Variants in NCOA6 observed in about 807,000 individuals in gnomAD.
The protein encoded by NCOA6 is NRC RAP250.
A neutral mutation model predicts 171.4 loss-of-function variants in NCOA6; 49 were observed. The ratio of observed to expected loss-of-function variants is 0.29; its 90% CI spans 0.23 to 0.36. NCOA6 has a LOEUF of 0.36. Ranked by LOEUF, NCOA6 falls within the 10% of genes least tolerant of loss-of-function variation. The pLI, the probability that NCOA6 is intolerant of heterozygous loss-of-function variation, is 1.00. For synonymous variants in NCOA6, 910 were observed against 927.5 expected (o/e 0.98, Z 0.34); for missense variants, 2,248 against 2,554.5 (o/e 0.88, Z 2.59).
At chr20:34,799,998 A>G (rs544354178) in intron 1 of NCOA6, among the ~76,000 whole-genome samples, 2 of 152,340 alleles carry the variant, frequency 1.3e-5, no homozygotes, top group South Asian at 4.1e-4. Flanking sequence ...CTCAAGTAGA[A>G]AGACTAAGAG....
At position 34,741,329 on chromosome 20, in the gene NCOA6, C is replaced by T. The variant is rs1163704689; in HGVS notation, c.4927G>A (p.Gly1643Arg). 1.9e-6 allele frequency: 3 copies of T among 1,614,142 alleles called. No individual in the cohort carries two copies. Among genetic ancestry groups the T allele is most frequent in the Non-Finnish European group, 2.5e-6 (3 of 1,180,028 alleles). ...NAGSKVMVSE[G>R]QSAAQSNARP... Reference sequence around the variant, plus strand: ...GCATTAGACTGAGCAGCTGACTGTCCCTCAGAAACCATAACCTTGCTACCC... The same window carrying T: ...GCATTAGACTGAGCAGCTGACTGTCTCTCAGAAACCATAACCTTGCTACCC... The change falls in exon 11 of 15, where the codon GGA becomes AGA. Residue 1643 changes from glycine (G) to arginine (R), a missense_variant. By Grantham distance (125) the Gly-to-Arg change is moderately radical (BLOSUM62 -2). Around this residue, in one of 7 missense-constraint regions of NCOA6, gnomAD observed 884 missense variants for 941.9 expected, o/e 0.94. Coordinates refer to ENST00000359003, the MANE Select transcript of NCOA6 (RefSeq NM_014071.5).
At chr20:34,797,189 G>A (rs894789047) in intron 1 of NCOA6, among the ~76,000 whole-genome samples, 4 of 152,154 alleles carry the variant, frequency 2.6e-5, no homozygotes, top group African/African-American at 9.7e-5. Flanking sequence ...AGCCCAGGCA[G>A]CACAGCTCAC....
At chr20:34,819,146 C>CA (rs922797316) in intron 1 of NCOA6, among the ~76,000 whole-genome samples, 1 of 152,134 alleles carries the variant, frequency 6.6e-6, no homozygotes, top group African/African-American at 2.4e-5. Context: ...CCATCCCCCC[C>CA]ACCATCCCAA....
intron 3 of NCOA6, among the ~76,000 whole-genome samples, chr20:34,778,788 C>G (rs942180041): frequency 6.6e-6 from 1 of 151,768 alleles, no homozygotes; most frequent in African/African-American, 2.4e-5. Flanking sequence ...GAAACCCCAT[C>G]TCTACTAAAA....
In NCOA6 at chr20:34,750,117, G is replaced by A. The variant is rs141301245; in HGVS notation, c.2078C>T (p.Ala693Val). ...AGGCCCCATCATCTGGTTATGTGGC[G>A]CCATCATTTGTGGGCCCTGCTGGGA... Reference protein sequence around the residue: ...MLSQQGPQMMAPHNQMMGPQG... With the variant: ...MLSQQGPQMMVPHNQMMGPQG... The change falls in exon 9 of 15, where the codon GCG becomes GTG. Residue 693 changes from alanine (A) to valine (V), a missense_variant. By Grantham distance (64) the Ala-to-Val change is moderately conservative. Coordinates refer to ENST00000359003, the MANE Select transcript of NCOA6 (RefSeq NM_014071.5). The A allele has an allele frequency of 5.2e-4, 835 of 1,614,010 alleles. No individual in the cohort carries two copies. Among genetic ancestry groups the A allele is most frequent in the Middle Eastern group, 1.3e-3 (8 of 6,084 alleles).
chr20:34,788,347 A>T (rs1311338657), intron 2 of NCOA6, among the ~76,000 whole-genome samples: 1 of 152,126 alleles, frequency 6.6e-6, no homozygotes, highest in Non-Finnish European at 1.5e-5. Context: ...TACAGGCGTG[A>T]GCCATCGTGC....
In NCOA6 at chr20:34,727,422, CA is replaced by C; in HGVS notation, c.6000-16del. The stretch of plus-strand genomic sequence containing the variant: ...TGGGCTCACTGCTGACAGAGGGAAG[CA>C]AAAAGTTTCCAAGCAGGTGAGGGAA... On this transcript the variant is annotated splice_polypyrimidine_tract_variant and intron_variant, in intron 13 of 14. Coordinates refer to ENST00000359003, the MANE Select transcript of NCOA6 (RefSeq NM_014071.5). 6.2e-7 allele frequency: 1 copy of C among 1,611,762 alleles called. No homozygotes were observed. Among genetic ancestry groups the C allele is most frequent in the Non-Finnish European group, 8.5e-7 (1 of 1,179,654 alleles).
chr20:34,722,109 G>C (rs975945745), intron 14 of NCOA6, among the ~76,000 whole-genome samples: 1 of 141,558 alleles, frequency 7.1e-6, no homozygotes, highest in African/African-American at 2.6e-5. Context: ...GGCTGGGCAT[G>C]GTGGCTCATG....
At chr20:34,722,562 T>G (rs574432027) in intron 14 of NCOA6, among the ~76,000 whole-genome samples, 1 of 150,894 alleles carries the variant, frequency 6.6e-6, no homozygotes, top group African/African-American at 2.4e-5. Flanking sequence ...CACCTGTAGT[T>G]CCAGCTACTT....
intron 14 of NCOA6, among the ~76,000 whole-genome samples, chr20:34,725,258 C>T (rs1214491103): frequency 6.6e-6 from 1 of 152,340 alleles, no homozygotes; most frequent in East Asian, 1.9e-4. Flanking sequence ...GACATAATCT[C>T]CTGCCCTAAC....
At chr20:34,754,323 A>AC (rs2076581360) in intron 8 of NCOA6, among the ~76,000 whole-genome samples, 1 of 152,226 alleles carries the variant, frequency 6.6e-6, no homozygotes, top group Non-Finnish European at 1.5e-5. Flanking sequence ...TGGTCTGTAA[A>AC]TAAACAAGTG....
At chr20:34,748,861 C>A (rs986397277) in intron 9 of NCOA6, among the ~76,000 whole-genome samples, 3 of 152,200 alleles carry the variant, frequency 2.0e-5, no homozygotes, top group South Asian at 2.1e-4. Context: ...TTCCAAAACA[C>A]ATTTGGCCTC....
At chr20:34,778,335 T>C (rs536870165) in intron 3 of NCOA6, among the ~76,000 whole-genome samples, 1 of 152,162 alleles carries the variant, frequency 6.6e-6, no homozygotes, top group South Asian at 2.1e-4. Flanking sequence ...AGTAGAGTAG[T>C]CCAAAATCAT....
intron 5 of NCOA6, among the ~76,000 whole-genome samples, chr20:34,762,372 T>A (rs191929177): frequency 4.8e-4 from 73 of 152,346 alleles, no homozygotes; most frequent in Middle Eastern, 3.4e-3. Context: ...GAGAATACTA[T>A]TCTGATTAAT....
chr20:34,776,879 GA>G, intron 3 of NCOA6: 1 of 410,266 alleles, frequency 2.4e-6, no homozygotes, highest in South Asian at 1.7e-5. Context: ...AGCACTTCGG[GA>G]GGCCGAGGCA....
At chr20:34,761,474 C>CT (rs1016109221) in intron 5 of NCOA6, among the ~76,000 whole-genome samples, 404 of 141,678 alleles carry the variant, frequency 2.9e-3, no homozygotes, top group African/African-American at 5.5e-3. Flanking sequence ...TTTGGTTATG[C>CT]TTTTTTTTTT....
rs1354193155 is a variant in NCOA6, at chr20:34,740,973, C to A, written c.5283G>T (p.Gln1761His). ...SPVVPSHPPV[Q>H]QVKELNPDEA... The stretch of plus-strand genomic sequence containing the variant: ...CATCTGGATTCAATTCTTTCACTTG[C>A]TGCACAGGGGGATGAGAAGGGACAA... Residue 1761 changes from glutamine to histidine, a missense_variant, in exon 11 of 15, where the codon CAG (glutamine) becomes CAT (histidine). By Grantham distance (24) the Gln-to-His change is conservative. This residue lies in a region of NCOA6 where 884 missense variants were observed against 941.9 expected (regional missense o/e 0.94). Transcript: ENST00000359003. 1 of 1,614,146 alleles carries A rather than the reference C, an allele frequency of 6.2e-7. No homozygotes were observed. Among genetic ancestry groups the A allele is most frequent in the Non-Finnish European group, 8.5e-7 (1 of 1,180,022 alleles).
chr20:34,782,297 G>A lies in NCOA6; in HGVS notation c.59C>T (p.Thr20Ile). ...EDIYTSLCSS[T>I]MEDSEMDFDS... is the part of the protein sequence containing the mutation. ...AAAATCCATCTCTGAGTCTTCCATTGTTGATGAACACAAGGAAGTATAGAT... is the reference window on the plus strand; with the variant it reads ...AAAATCCATCTCTGAGTCTTCCATTATTGATGAACACAAGGAAGTATAGAT... The change falls in exon 3 of 15, where the codon ACA (threonine) becomes ATA (isoleucine). Residue 20 changes from threonine to isoleucine, a missense_variant. Physicochemically the swap from Thr to Ile is moderately conservative, Grantham distance 89. Around this residue, in one of 7 missense-constraint regions of NCOA6, gnomAD observed 987 missense variants for 1,104.7 expected, o/e 0.89. Transcript: ENST00000359003. 6.2e-7 allele frequency: 1 copy of A among 1,612,738 alleles called. No homozygotes were observed. Among genetic ancestry groups the A allele is most frequent in the Non-Finnish European group, 8.5e-7 (1 of 1,179,464 alleles).
At chr20:34,761,673 C>T (rs1183600800) in intron 5 of NCOA6, among the ~76,000 whole-genome samples, 4 of 150,410 alleles carry the variant, frequency 2.7e-5, no homozygotes, top group African/African-American at 9.8e-5. Context: ...TTTTTTTCTC[C>T]GAGATGGAGT....
Sources: gnomAD v4.1 joint callset for allele counts (sites outside exome capture counted in the v4.1 genomes callset) on GRCh38, gnomAD v4.1.1 for gene constraint, gnomAD v4.1.1 regional missense constraint, MANE v1.5 for transcripts, NCBI Gene and HGNC (gene_info 2026-07-23, HGNC 2026-07-21) for gene names.